CNTN6: variants seen among roughly 807,000 people sequenced by gnomAD.
The protein encoded by CNTN6 is contactin-6.
In CNTN6, 137 loss-of-function variants were observed where a neutral mutation model predicts 122.8. The ratio of observed to expected loss-of-function variants is 1.12; its 90% CI spans 0.97 to 1.29. The LOEUF (loss-of-function observed/expected upper bound fraction) is 1.29, where lower values mean the gene tolerates loss of function less well. Ranked by LOEUF, CNTN6 falls within the 50% of genes most tolerant of loss-of-function variation. CNTN6 has a pLI of 0.00. For missense variants in CNTN6, 1,634 were observed against 1,223.4 expected (o/e 1.34, Z -5.01); for synonymous variants, 570 against 426.0 (o/e 1.34, Z -4.16).
intron 3 of CNTN6, among the ~76,000 whole-genome samples, chr3:1,222,069 T>G (rs2094214488): frequency 1.3e-5 from 2 of 152,178 alleles, no homozygotes; most frequent in African/African-American, 4.8e-5. Flanking sequence ...TATCTTGAAT[T>G]TTTTTGAGCT....
Position 1,093,030 on chromosome 3 carries a change from C to G in CNTN6, c.-173C>G, listed in dbSNP as rs141131355. 2,285 of 351,848 alleles carry G rather than the reference C, an allele frequency of 6.5e-3. 37 individuals carry two copies. The highest frequency in any genetic ancestry group is 8.1e-3 in the Non-Finnish European group (1,431 of 177,684). 21.8% of individuals were successfully genotyped at this position (351,848 alleles called of 1,614,324 possible). A position where few individuals can be genotyped will look rare whatever the true frequency, so the allele number is the denominator to read the frequency against. The stretch of plus-strand genomic sequence containing the variant: ...CCAGCTGCATAGACATTCCATACGG[C>G]TTGGTTCTGCCTGGACGCACAGCAT... On this transcript the variant is annotated 5_prime_UTR_variant, in exon 1 of 23. Transcript: ENST00000446702.
In CNTN6 at chr3:1,341,906, T is replaced by C. The variant is rs534054861; in HGVS notation, c.1365-10418T>C. 2.6e-5 allele frequency among the ~76,000 whole-genome samples: 4 copies of C among 152,220 alleles called. No individual in the cohort carries two copies. The East Asian group carries it at 7.7e-4, about 29-fold the overall frequency. On this transcript the variant is annotated intron_variant, in intron 11 of 22. Coordinates refer to ENST00000446702, the MANE Select transcript of CNTN6 (RefSeq NM_001289080.2). ...AGTAACGTTCTCATTTAAATTAAAA[T>C]GTATTTGAGTCTATTTCTAATATCT...
intron 12 of CNTN6, among the ~76,000 whole-genome samples, chr3:1,354,698 T>C (rs1706261867): frequency 6.6e-6 from 1 of 151,618 alleles, no homozygotes. Context: ...AATAAAATGT[T>C]ATTATCTTAT....
intron 4 of CNTN6, among the ~76,000 whole-genome samples, chr3:1,246,178 G>C: frequency 6.6e-6 from 1 of 152,146 alleles, no homozygotes; most frequent in African/African-American, 2.4e-5. Context: ...CAGAAGGTCC[G>C]CCCATTATAT....
At chr3:1,315,316 G>T (rs1407844857) in intron 7 of CNTN6, among the ~76,000 whole-genome samples, 1 of 152,004 alleles carries the variant, frequency 6.6e-6, no homozygotes, top group Non-Finnish European at 1.5e-5. Context: ...AGTCTAAAAA[G>T]AATGCTGAAG....
At chr3:1,102,630 A>G (rs2090978092) in intron 1 of CNTN6, among the ~76,000 whole-genome samples, 1 of 149,932 alleles carries the variant, frequency 6.7e-6, no homozygotes, top group Non-Finnish European at 1.5e-5. Flanking sequence ...CGGGAGGCTG[A>G]GGCAGGAGAA....
intron 11 of CNTN6, among the ~76,000 whole-genome samples, chr3:1,340,060 C>G (rs866073557): frequency 6.6e-6 from 1 of 152,060 alleles, no homozygotes; most frequent in Admixed American, 6.6e-5. Context: ...CTATGAGAGG[C>G]ATTTATTCAT....
chr3:1,344,076 A>G (rs552581030), intron 11 of CNTN6, among the ~76,000 whole-genome samples: 1 of 152,282 alleles, frequency 6.6e-6, no homozygotes, highest in East Asian at 1.9e-4. Context: ...CGGTTAAGTT[A>G]GTTATTGAAT....
At chr3:1,249,417 A>G (rs1355427867) in intron 4 of CNTN6, among the ~76,000 whole-genome samples, 1 of 152,200 alleles carries the variant, frequency 6.6e-6, no homozygotes, top group Non-Finnish European at 1.5e-5. Context: ...CTTTTTAAAA[A>G]AGGAATTATA....
intron 4 of CNTN6, among the ~76,000 whole-genome samples, chr3:1,258,169 T>A (rs568153547): frequency 9.1e-4 from 138 of 152,232 alleles, no homozygotes; most frequent in African/African-American, 3.1e-3. Context: ...TGATAAAACT[T>A]AATATTTTGA....
chr3:1,376,187 G>T (rs1384249429), intron 16 of CNTN6, among the ~76,000 whole-genome samples: 2 of 151,996 alleles, frequency 1.3e-5, no homozygotes. Flanking sequence ...AAACACTTAC[G>T]CATGTGTAAA....
chr3:1,226,766 T>C (rs1048645411), intron 3 of CNTN6, among the ~76,000 whole-genome samples: 8 of 152,204 alleles, frequency 5.3e-5, no homozygotes, highest in African/African-American at 1.7e-4. Context: ...TAAAATTATA[T>C]GTTTTTCTGT....
At chr3:1,214,547 C>T (rs1335707207) in intron 2 of CNTN6, among the ~76,000 whole-genome samples, 2 of 151,584 alleles carry the variant, frequency 1.3e-5, no homozygotes, top group Non-Finnish European at 2.9e-5. Context: ...TAACCTCAGG[C>T]GATCCACCCA....
In CNTN6 at chr3:1,327,529, TG is replaced by T. The variant is rs765404659; in HGVS notation, c.1157del (p.Cys386LeufsTer9). 14 of 1,610,898 alleles carry T rather than the reference TG, an allele frequency of 8.7e-6. No homozygotes were observed. The highest frequency in any genetic ancestry group is 1.2e-5 in the Non-Finnish European group (14 of 1,178,154). On this transcript the variant is annotated frameshift_variant, in exon 10 of 23. Transcript: ENST00000446702. LOFTEE classifies it high-confidence loss of function. ...LNVSDSGVYQ[C>X]AAENKYQIIY... ...TGTGTCAGATTCTGGTGTGTACCAA[TG>T]TGCTGCAGAAAACAAATATCAGATA...
At chr3:1,093,168 T>C (rs919057831) in intron 1 of CNTN6, 48 bp downstream of exon 1, 9 of 213,464 alleles carry the variant, frequency 4.2e-5, no homozygotes, top group Non-Finnish European at 7.7e-5. Flanking sequence ...GCAATGAGAA[T>C]ATTGCTGGGC....
At chr3:1,383,459 C>T (rs1377057925) in intron 19 of CNTN6, 51 bp downstream of exon 19, 2 of 1,335,150 alleles carry the variant, frequency 1.5e-6, no homozygotes, top group African/African-American at 2.9e-5. Context: ...ATGGACTTCG[C>T]AATAGCTCCT....
intron 11 of CNTN6, among the ~76,000 whole-genome samples, chr3:1,342,235 T>G (rs985289541): frequency 6.6e-6 from 1 of 152,086 alleles, no homozygotes; most frequent in Non-Finnish European, 1.5e-5. Context: ...GTTCAAGCAA[T>G]TCTTATTCAT....
At chr3:1,353,013 T>C (rs1234339781) in intron 12 of CNTN6, among the ~76,000 whole-genome samples, 4 of 151,748 alleles carry the variant, frequency 2.6e-5, no homozygotes, top group Non-Finnish European at 1.5e-5. Flanking sequence ...TTTATAGAGA[T>C]AAATTCTATA....
chr3:1,363,438 C>CA (rs1707767865), intron 12 of CNTN6, among the ~76,000 whole-genome samples: 1 of 151,932 alleles, frequency 6.6e-6, no homozygotes, highest in Admixed American at 6.6e-5. Flanking sequence ...TTTGTGCTCT[C>CA]AGTGACCACC....
Sources: allele counts gnomAD v4.1 joint callset (sites outside exome capture counted in the v4.1 genomes callset), GRCh38; gene constraint gnomAD v4.1.1; transcripts MANE v1.5; gene names NCBI Gene and HGNC (gene_info 2026-07-23, HGNC 2026-07-21).